Variants in TASP1 observed in about 807,000 individuals in gnomAD.
TASP1 encodes taspase 1.
In TASP1, 16 loss-of-function variants were observed where a neutral mutation model predicts 56.6. The observed-to-expected ratio is 0.28, with a 90% CI of 0.19 to 0.43. The LOEUF (loss-of-function observed/expected upper bound fraction) is 0.43. Ranked by LOEUF, TASP1 falls within the 20% of genes least tolerant of loss-of-function variation. The pLI is 1.00. For missense variants in TASP1, 393 were observed against 511.6 expected (o/e 0.77, Z 2.24); for synonymous variants, 179 against 184.2 (o/e 0.97, Z 0.23).
intron 10 of TASP1, among the ~76,000 whole-genome samples, chr20:13,527,436 G>A (rs1568547616): frequency 6.6e-6 from 1 of 152,076 alleles, no homozygotes; most frequent in African/African-American, 2.4e-5. Context: ...TAACTTGAAG[G>A]ATAACATGAA....
At chr20:13,116,535 T>G in the TASP1 span, among the ~76,000 whole-genome samples, 1 of 152,184 alleles carries the variant, frequency 6.6e-6, no homozygotes, top group Non-Finnish European at 1.5e-5. Flanking sequence ...GACTACATTT[T>G]TTTCCCTTTG....
chr20:13,620,869 C>T (rs1281884900), intron 4 of TASP1, among the ~76,000 whole-genome samples: 1 of 152,082 alleles, frequency 6.6e-6, no homozygotes, highest in African/African-American at 2.4e-5. Context: ...TTCCATTGAC[C>T]CAAGCTATTA....
intron 5 of TASP1, among the ~76,000 whole-genome samples, chr20:13,585,164 A>C (rs989574544): frequency 7.9e-5 from 12 of 152,316 alleles, no homozygotes; most frequent in African/African-American, 2.9e-4. Flanking sequence ...TATGAGGAAA[A>C]AATAAATAAA....
At chr20:13,179,329 A>C in the TASP1 span, among the ~76,000 whole-genome samples, 1 of 152,122 alleles carries the variant, frequency 6.6e-6, no homozygotes, top group Admixed American at 6.6e-5. Flanking sequence ...TATTTAAAAC[A>C]TGTATTCGTA....
intron 4 of TASP1, among the ~76,000 whole-genome samples, chr20:13,603,516 T>G (rs549450766): frequency 6.6e-6 from 1 of 152,172 alleles, no homozygotes; most frequent in Non-Finnish European, 1.5e-5. Context: ...CTCTCCAGCT[T>G]GGGAAACACA....
chr20:13,359,349 C>T, the TASP1 span, among the ~76,000 whole-genome samples: 1 of 151,550 alleles, frequency 6.6e-6, no homozygotes, highest in Non-Finnish European at 1.5e-5. Flanking sequence ...TTCAACTCAC[C>T]TGGCAGCCAC....
At chr20:13,144,194 G>T in the TASP1 span, among the ~76,000 whole-genome samples, 1 of 152,160 alleles carries the variant, frequency 6.6e-6, no homozygotes, top group Non-Finnish European at 1.5e-5. Flanking sequence ...AAGATGTTAA[G>T]TTACCATCTC....
intron 8 of TASP1, among the ~76,000 whole-genome samples, chr20:13,548,877 G>A (rs1458467836): frequency 1.3e-5 from 2 of 152,010 alleles, no homozygotes; most frequent in African/African-American, 2.4e-5. Flanking sequence ...ATTATGATTC[G>A]GTATGTTTAA....
chr20:13,519,524 A>G (rs374386948), intron 10 of TASP1, among the ~76,000 whole-genome samples: 3 of 152,200 alleles, frequency 2.0e-5, no homozygotes, highest in East Asian at 1.9e-4. Context: ...CAAAAACCAT[A>G]TGATTATCCC....
chr20:13,131,498 A>AGTAC, the TASP1 span, among the ~76,000 whole-genome samples: 1 of 152,248 alleles, frequency 6.6e-6, no homozygotes, highest in African/African-American at 2.4e-5. Context: ...ATAAAGTCAT[A>AGTAC]GTACTTTCAA....
chr20:13,346,988 A>T, the TASP1 span, among the ~76,000 whole-genome samples: 1 of 152,264 alleles, frequency 6.6e-6, no homozygotes, highest in Non-Finnish European at 1.5e-5. Context: ...TGTACCGACA[A>T]GCAATATGTA....
chr20:13,189,126 C>T, the TASP1 span, among the ~76,000 whole-genome samples: 4 of 152,132 alleles, frequency 2.6e-5, no homozygotes, highest in African/African-American at 4.8e-5. Context: ...GCCAGATTTG[C>T]GAATCGCTTA....
chr20:13,484,504 G>C (rs76526183), intron 10 of TASP1, among the ~76,000 whole-genome samples: 7,018 of 152,206 alleles, frequency 0.046, 294 homozygotes, highest in African/African-American at 0.1. Context: ...GGAGGCCGAG[G>C]TGGGTGGACC....
the TASP1 span, among the ~76,000 whole-genome samples, chr20:13,290,610 A>T: frequency 6.6e-6 from 1 of 152,156 alleles, no homozygotes; most frequent in Non-Finnish European, 1.5e-5. Context: ...GTGAGCCGAG[A>T]TCGGGCCACT....
the TASP1 span, among the ~76,000 whole-genome samples, chr20:13,177,380 C>T: frequency 6.6e-6 from 1 of 152,082 alleles, no homozygotes; most frequent in African/African-American, 2.4e-5. Context: ...TATCAAAACA[C>T]TAGACATTTT....
At chr20:13,279,603 C>T in the TASP1 span, 12 of 1,593,656 alleles carry the variant, frequency 7.5e-6, no homozygotes, top group Non-Finnish European at 1.0e-5. Context: ...GTTGACTCCA[C>T]ACTGACCCCA....
At chr20:13,288,382 T>C in the TASP1 span, among the ~76,000 whole-genome samples, 4 of 152,208 alleles carry the variant, frequency 2.6e-5, no homozygotes, top group Non-Finnish European at 5.9e-5. Context: ...AAATGAGCCC[T>C]GGAGCTGTAA....
chr20:13,221,212 C>CCCTCCTCCTCCTCCTCCT, the TASP1 span, among the ~76,000 whole-genome samples: 93 of 78,938 alleles, frequency 1.2e-3, 9 homozygotes, highest in South Asian at 3.1e-3. Context: ...GCAGCTGAAG[C>CCCTCCTCCTCCTCCTCCT]CCTCCTACTC....
the TASP1 span, among the ~76,000 whole-genome samples, chr20:13,192,680 C>T: frequency 8.6e-5 from 13 of 151,906 alleles, no homozygotes; most frequent in Non-Finnish European, 1.8e-4. Flanking sequence ...ACTACAGGCA[C>T]GCACCACCAC....
Sources: allele counts gnomAD v4.1 joint callset (sites outside exome capture counted in the v4.1 genomes callset), GRCh38; gene constraint gnomAD v4.1.1; transcripts MANE v1.5; gene names NCBI Gene and HGNC (gene_info 2026-07-23, HGNC 2026-07-21).